UBE2N: variants seen among roughly 807,000 people sequenced by gnomAD.
UBE2N encodes the protein ubiquitin-conjugating enzyme E2 N.
For synonymous variants in UBE2N, 70 were observed against 69.2 expected, an observed-to-expected ratio of 1.01 and a Z score of -0.06; for missense variants, 60 against 192.1, an observed-to-expected ratio of 0.31 and a Z score of 4.07.
intron 1 of UBE2N, among the ~76,000 whole-genome samples, chr12:93,427,604 T>C (rs1878634399): frequency 6.6e-6 from 1 of 152,126 alleles, no homozygotes. Flanking sequence ...GAAGGTAGAG[T>C]GACTGCTAAT....
chr12:93,425,212 G>C (rs1303807691), intron 1 of UBE2N, among the ~76,000 whole-genome samples: 1 of 152,186 alleles, frequency 6.6e-6, no homozygotes, highest in Non-Finnish European at 1.5e-5. Flanking sequence ...GGCAGAGCTA[G>C]AAATCAAACT....
chr12:93,421,194 T>C (rs1055828677), intron 1 of UBE2N, among the ~76,000 whole-genome samples: 4 of 119,268 alleles, frequency 3.4e-5, no homozygotes, highest in Admixed American at 2.4e-4. Context: ...AATCTTTTTC[T>C]TTCTTTTTTT....
intron 1 of UBE2N, among the ~76,000 whole-genome samples, chr12:93,420,383 T>C (rs2121071702): frequency 6.6e-6 from 1 of 152,250 alleles, no homozygotes; most frequent in African/African-American, 2.4e-5. Context: ...ACTTGGGAGC[T>C]GGAGGGACTT....
In UBE2N at chr12:93,406,338, C is replaced by CTA. The variant is rs963984833; in HGVS notation, c.*3699_*3700dup. 1 of 142,552 alleles carries CTA rather than the reference C, an allele frequency of 7.0e-6. No homozygotes were observed. Among genetic ancestry groups the CTA allele is most frequent in the African/African-American group, 2.6e-5 (1 of 37,942 alleles). 8.8% of individuals were successfully genotyped at this position (142,552 alleles called of 1,614,324 possible). ...GAACCATTCAACAGAAAAATGAGGC[C>CTA]TATTCCTATCATTTCCTCGATCCAA... On this transcript the variant is annotated 3_prime_UTR_variant, in exon 4 of 4. Transcript: ENST00000318066.
At chr12:93,441,558 C>T (rs1462912918) in intron 1 of UBE2N, among the ~76,000 whole-genome samples, 1 of 152,042 alleles carries the variant, frequency 6.6e-6, no homozygotes, top group Non-Finnish European at 1.5e-5. Context: ...GCCCAGAGAC[C>T]CCCAGCCTTG....
intron 1 of UBE2N, among the ~76,000 whole-genome samples, chr12:93,415,361 G>C (rs1878173428): frequency 6.6e-6 from 1 of 152,152 alleles, no homozygotes; most frequent in South Asian, 2.1e-4. Flanking sequence ...TCCCCAAAAT[G>C]TGTTAATTAA....
chr12:93,430,732 G>A lies in UBE2N; in HGVS notation c.30+11123C>T, dbSNP rs371403527. On this transcript the variant is annotated intron_variant, in intron 1 of 3. Transcript: ENST00000318066. ...GTTCAAAACCAGCCTGAGCAACATA[G>A]GGAGACCCTGTCTCTATGTAATATA... 7.3e-5 allele frequency among the ~76,000 whole-genome samples: 11 copies of A among 150,370 alleles called. No homozygotes were observed. In the South Asian group the frequency reaches 1.7e-3, roughly 23 times the overall value.
At chr12:93,425,022 T>C (rs1429675868) in intron 1 of UBE2N, among the ~76,000 whole-genome samples, 3 of 152,244 alleles carry the variant, frequency 2.0e-5, no homozygotes, top group Admixed American at 6.5e-5. Flanking sequence ...TTTATGTTTA[T>C]GGTGAAGCAG....
In UBE2N at chr12:93,407,714, G is replaced by T. The variant is rs948677931; in HGVS notation, c.*2325C>A. 2 of 152,216 alleles carry T rather than the reference G, an allele frequency of 1.3e-5. No individual in the cohort carries two copies. Among genetic ancestry groups the T allele is most frequent in the South Asian group, 4.1e-4 (2 of 4,836 alleles). The allele number at this position is 152,216 out of a possible 1,614,324, so 9.4% of individuals were successfully genotyped here. A position where few individuals can be genotyped will look rare whatever the true frequency, so the allele number is the denominator to read the frequency against. On this transcript the variant is annotated 3_prime_UTR_variant, in exon 4 of 4. Transcript: ENST00000318066. ...AAAATGTTGGCATCAAATTCAGAAT[G>T]TTTTAACCAGCCACACTGTGTGGGC...
At chr12:93,441,113 C>T (rs991378989) in intron 1 of UBE2N, 7 of 152,708 alleles carry the variant, frequency 4.6e-5, no homozygotes, top group African/African-American at 1.7e-4. Flanking sequence ...AAAACTATTT[C>T]CTCGGAACAG....
intron 1 of UBE2N, among the ~76,000 whole-genome samples, chr12:93,433,314 G>A (rs540994769): frequency 6.6e-6 from 1 of 152,212 alleles, no homozygotes; most frequent in Non-Finnish European, 1.5e-5. Context: ...TATTTCTGTT[G>A]ATTCTGAGGG....
At chr12:93,430,393 A>C (rs939336678) in intron 1 of UBE2N, among the ~76,000 whole-genome samples, 5 of 152,176 alleles carry the variant, frequency 3.3e-5, no homozygotes, top group African/African-American at 1.2e-4. Context: ...AAGTGATTCA[A>C]GACTGTATAT....
In UBE2N at chr12:93,409,998, C is replaced by G. The variant is rs766399603; in HGVS notation, c.*41G>C. The G allele has an allele frequency of 6.2e-6, 10 of 1,601,804 alleles. No individual in the cohort carries two copies. In the African/African-American group the frequency reaches 1.1e-4, roughly 17 times the overall value. ...GCAAACAAAGAGGAGGAAGTCTTGG[C>G]AGAACAGGAGAAGTGATGCACACTT... On this transcript the variant is annotated 3_prime_UTR_variant, in exon 4 of 4. Transcript: ENST00000318066.
intron 1 of UBE2N, among the ~76,000 whole-genome samples, chr12:93,438,990 G>A (rs146473242): frequency 1.3e-5 from 2 of 152,178 alleles, no homozygotes; most frequent in African/African-American, 4.8e-5. Flanking sequence ...TCAGTTTCTA[G>A]ACTGCAAAAT....
rs191837879 is a variant in UBE2N at position 93,422,130 on chromosome 12, A to C, written c.31-10831T>G. ...TTTTCAAAGATTTCCAAATATTGGC[A>C]TCACAGCTAAAGATGGTGTCAACTA... On this transcript the variant is annotated intron_variant, in intron 1 of 3. Transcript: ENST00000318066. Among the ~76,000 whole-genome samples, 1,178 of 152,226 alleles carry C rather than the reference A, an allele frequency of 7.7e-3. 6 individuals are homozygous for C. Among genetic ancestry groups the C allele is most frequent in the Non-Finnish European group, 0.011 (770 of 68,008 alleles).
chr12:93,432,660 A>G (rs544888267), intron 1 of UBE2N, among the ~76,000 whole-genome samples: 178 of 152,324 alleles, frequency 1.2e-3, no homozygotes, highest in Non-Finnish European at 1.4e-3. Flanking sequence ...AAGACTTTCA[A>G]AATATAAATT....
At chr12:93,429,268 T>TG in intron 1 of UBE2N, 1 of 386,378 alleles carries the variant, frequency 2.6e-6, no homozygotes, top group Non-Finnish European at 5.0e-6. Flanking sequence ...AGACTCTGTC[T>TG]CAAAAAAAAA....
At chr12:93,434,412 T>G (rs576881132) in intron 1 of UBE2N, among the ~76,000 whole-genome samples, 2 of 152,240 alleles carry the variant, frequency 1.3e-5, no homozygotes, top group Non-Finnish European at 2.9e-5. Context: ...AATACTAAAG[T>G]ACTTGATAAT....
Position 93,421,626 on chromosome 12 carries a change from G to A in UBE2N, c.31-10327C>T, listed in dbSNP as rs565018889. Among the ~76,000 whole-genome samples, 56 of 152,142 alleles carry A rather than the reference G, an allele frequency of 3.7e-4. 1 individual carries two copies. The South Asian group carries it at 0.011, about 30-fold the overall frequency. On this transcript the variant is annotated intron_variant, in intron 1 of 3. Coordinates refer to ENST00000318066, the MANE Select transcript of UBE2N (RefSeq NM_003348.4). ...GAAAAAGGTAAATTTAAGCCATAAT[G>A]TCATAAATTTTTTTTTCTTTTTGAA...
Sources: gnomAD v4.1 joint callset for allele counts (sites outside exome capture counted in the v4.1 genomes callset) on GRCh38, gnomAD v4.1.1 for gene constraint, MANE v1.5 for transcripts, NCBI Gene and HGNC (gene_info 2026-07-23, HGNC 2026-07-21) for gene names.